Variants in TMEM94 observed in about 807,000 individuals in gnomAD.
TMEM94 encodes the protein transmembrane protein 94, also known as ER Mg2+ ATPase.
TMEM94 carries 81 observed loss-of-function variants against 158.6 expected under a neutral mutation model. That is an observed-to-expected ratio of 0.51 (90% CI 0.43 to 0.61). TMEM94 has a LOEUF of 0.61. Among genes scored for constraint, TMEM94 ranks in the 20% least tolerant of loss-of-function variants. The pLI is 0.00. For synonymous variants in TMEM94, 751 were observed against 730.7 expected (o/e 1.03, Z -0.45); for missense variants, 1,435 against 1,762.0 (o/e 0.81, Z 3.32).
At chr17:75,482,524 ATATGTATGTATGTATGTATG>A (rs57220539) in intron 2 of TMEM94, among the ~76,000 whole-genome samples, 24 of 145,210 alleles carry the variant, frequency 1.7e-4, no homozygotes, top group African/African-American at 4.8e-4. Context: ...AAATATATAT[ATATGTATGTATGTATGTATG>A]TATGTATGTA....
Position 75,485,993 on chromosome 17 carries a change from C to T in TMEM94, c.267C>T (p.Ala89=), listed in dbSNP as rs774394044. Residue 89 remains alanine, a synonymous_variant, in exon 4 of 32, where the codon GCC becomes GCT. Transcript: ENST00000314256. This position sits in a 1 kb window ranked among gnomAD's most constrained non-coding sequence, Gnocchi z 5.5. ...TGGGCTGCTGCGGGGGACAGCCAGC[C>T]GGGAGGTGTGCGCCCAGGGGCTGCT... ...LLLGCCGGQP[A]GSRGVGLVNA... is the part of the protein sequence containing the mutation. 40 of 1,606,170 alleles carry T rather than the reference C, an allele frequency of 2.5e-5. No homozygotes were observed. Among genetic ancestry groups the T allele is most frequent in the East Asian group, 4.5e-5 (2 of 44,722 alleles).
chr17:75,494,166 C>T (rs1271410513), intron 18 of TMEM94, among the ~76,000 whole-genome samples: 1 of 152,188 alleles, frequency 6.6e-6, no homozygotes, highest in Non-Finnish European at 1.5e-5. Flanking sequence ...AAGTGGGTTA[C>T]GTGTATCAGA....
intron 2 of TMEM94, among the ~76,000 whole-genome samples, chr17:75,484,428 T>C (rs1213096453): frequency 6.6e-6 from 1 of 151,924 alleles, no homozygotes; most frequent in Non-Finnish European, 1.5e-5. Context: ...AGACAGGGTC[T>C]CATTTTGTCA....
At chr17:75,479,307 A>G (rs957008212) in intron 2 of TMEM94, among the ~76,000 whole-genome samples, 1 of 151,614 alleles carries the variant, frequency 6.6e-6, no homozygotes, top group Admixed American at 6.6e-5. Context: ...ACAAAAAAAA[A>G]TTTATTTTTC....
rs2053018307 is a variant in TMEM94, at chr17:75,498,856, G to A, written c.3828-56G>A. On this transcript the variant is annotated intron_variant, in intron 30 of 31. Coordinates refer to ENST00000314256, the MANE Select transcript of TMEM94 (RefSeq NM_014738.6). The surrounding 1 kb of genome is among the most constrained non-coding windows in gnomAD (Gnocchi z 6.7). Reference sequence around the variant, plus strand: ...CCTGAGCTAACTGTTGTACTGGGAAGAGCAGGGAAGGAAGCAAGCAGTGTC... The same window carrying A: ...CCTGAGCTAACTGTTGTACTGGGAAAAGCAGGGAAGGAAGCAAGCAGTGTC... The A allele has an allele frequency of 6.6e-7, 1 of 1,524,462 alleles. No homozygotes were observed. Among genetic ancestry groups the A allele is most frequent in the Admixed American group, 2.0e-5 (1 of 49,200 alleles). 94.4% of individuals were successfully genotyped at this position (1,524,462 alleles called of 1,614,324 possible).
Position 75,490,317 on chromosome 17 carries a change from G to A in TMEM94, c.1038G>A (p.Leu346=), listed in dbSNP as rs746656024. 6.2e-7 allele frequency: 1 copy of A among 1,614,008 alleles called. No individual in the cohort carries two copies. ...LATACGEARV[L]AQMSKASPSS... ...CTGCCTGTGGAGAGGCCCGTGTCCT[G>A]GCCCAGATGAGCAAGGCCTCACCCA... is the stretch of plus-strand genomic sequence containing the variant. Residue 346 remains leucine (L), a synonymous_variant, in exon 10 of 32, where the codon CTG becomes CTA. Coordinates refer to ENST00000314256, the MANE Select transcript of TMEM94 (RefSeq NM_014738.6).
In TMEM94 at chr17:75,498,771, G is replaced by C; in HGVS notation, c.3827+49G>C. On this transcript the variant is annotated intron_variant, in intron 30 of 31. Coordinates refer to ENST00000314256, the MANE Select transcript of TMEM94 (RefSeq NM_014738.6). The surrounding 1 kb of genome is among the most constrained non-coding windows in gnomAD (Gnocchi z 6.7). ...CGGAGTGTGGGCTGGGGAGGAGAGG[G>C]CCTTCTGCAGGGCTAGGATCGGAGG... 1 of 1,532,706 alleles carries C rather than the reference G, an allele frequency of 6.5e-7. No individual in the cohort carries two copies. The highest frequency in any genetic ancestry group is 8.8e-7 in the Non-Finnish European group (1 of 1,138,552). 94.9% of individuals were successfully genotyped at this position (1,532,706 alleles called of 1,614,324 possible). A position where few individuals can be genotyped will look rare whatever the true frequency, so the allele number is the denominator to read the frequency against.
rs191972129 is a variant in TMEM94 at position 75,459,013 on chromosome 17, C to T, written c.-107+2262C>T. Reference sequence around the variant, plus strand: ...CAGAGCTTGCAGTGAGCCGAGATCGCGCCACTGCACTCCAGCCTGGGCGAC... The same window carrying T: ...CAGAGCTTGCAGTGAGCCGAGATCGTGCCACTGCACTCCAGCCTGGGCGAC... On this transcript the variant is annotated intron_variant, in intron 1 of 31. Coordinates refer to ENST00000314256, the MANE Select transcript of TMEM94 (RefSeq NM_014738.6). Among the ~76,000 whole-genome samples, 313 of 150,232 alleles carry T rather than the reference C, an allele frequency of 2.1e-3. 2 individuals carry two copies. Among genetic ancestry groups the T allele is most frequent in the Middle Eastern group, 0.014 (4 of 292 alleles).
chr17:75,464,016 C>T (rs1379380727), intron 1 of TMEM94, among the ~76,000 whole-genome samples: 2 of 152,200 alleles, frequency 1.3e-5, no homozygotes, highest in Admixed American at 1.3e-4. Context: ...CTTACAAGCA[C>T]AGCTAATGAA....
intron 27 of TMEM94, 32 bp downstream of exon 27, chr17:75,497,894 G>A (rs1485310124): frequency 1.9e-6 from 3 of 1,584,256 alleles, no homozygotes; most frequent in South Asian, 2.2e-5. Context: ...AGCCTTGCAA[G>A]TGAGCATGGA....
chr17:75,497,678 C>A, intron 26 of TMEM94, 103 bp from the exon 27 acceptor site: 1 of 866,996 alleles, frequency 1.2e-6, no homozygotes, highest in Non-Finnish European at 1.9e-6. Context: ...ATCCCCTCAC[C>A]AGACTCGACC....
Position 75,485,098 on chromosome 17 carries a change from G to T in TMEM94, c.25-330G>T, listed in dbSNP as rs886991657. Among the ~76,000 whole-genome samples the T allele has an allele frequency of 6.6e-6, 1 of 152,152 alleles. No homozygotes were observed. The highest frequency in any genetic ancestry group is 1.5e-5 in the Non-Finnish European group (1 of 68,028). On this transcript the variant is annotated intron_variant, in intron 2 of 31. Transcript: ENST00000314256. The surrounding 1 kb of genome is among the most constrained non-coding windows in gnomAD (Gnocchi z 5.5). ...CTGGCCCCCTTGCAATAAATTGGGA[G>T]ATCAGTGGTGAGCACAGCCTGGGTG...
chr17:75,492,696 G>A lies in TMEM94; in HGVS notation c.1819G>A (p.Asp607Asn). The change falls in exon 15 of 32, where the codon GAC (aspartate) becomes AAC (asparagine). Residue 607 changes from aspartate (D) to asparagine (N), a missense_variant. By Grantham distance (23) the Asp-to-Asn change is conservative (BLOSUM62 1). This residue lies in a region of TMEM94 where 1,051 missense variants were observed against 1,254.4 expected (regional missense o/e 0.84). Coordinates refer to ENST00000314256, the MANE Select transcript of TMEM94 (RefSeq NM_014738.6). The surrounding 1 kb of genome is among the most constrained non-coding windows in gnomAD (Gnocchi z 4.4). ...SVTERLCRFSDHLCNIALQES... is the reference protein window; with the variant it reads ...SVTERLCRFSNHLCNIALQES... Reference sequence around the variant, plus strand: ...CACCGAGCGCCTGTGCCGATTCTCCGACCACCTGTGCAACATCGCCCTGCA... The same window carrying A: ...CACCGAGCGCCTGTGCCGATTCTCCAACCACCTGTGCAACATCGCCCTGCA... 9.9e-6 allele frequency: 16 copies of A among 1,613,188 alleles called. No individual in the cohort carries two copies. Among genetic ancestry groups the A allele is most frequent in the Non-Finnish European group, 1.3e-5 (15 of 1,179,982 alleles).
At chr17:75,465,651 ATTT>A (rs34178189) in intron 1 of TMEM94, among the ~76,000 whole-genome samples, 32 of 119,854 alleles carry the variant, frequency 2.7e-4, no homozygotes, top group Non-Finnish European at 3.8e-4. Context: ...AGCTATAAGA[ATTT>A]TTATATATAT....
chr17:75,488,166 T>C lies in TMEM94; in HGVS notation c.612+32T>C, dbSNP rs779325230. On this transcript the variant is annotated intron_variant, in intron 6 of 31. Coordinates refer to ENST00000314256, the MANE Select transcript of TMEM94 (RefSeq NM_014738.6). ...TGAGGCTTTCCTTCTCCCTTGGAAA[T>C]GCGGTGGGAACATCCACAGGCAACG... is the stretch of plus-strand genomic sequence containing the variant. The C allele has an allele frequency of 1.9e-6, 3 of 1,607,424 alleles. No individual in the cohort carries two copies. In the African/African-American group the frequency reaches 4.0e-5, roughly 21 times the overall value.
intron 2 of TMEM94, among the ~76,000 whole-genome samples, chr17:75,473,038 T>C (rs900372390): frequency 6.6e-6 from 1 of 152,174 alleles, no homozygotes; most frequent in Non-Finnish European, 1.5e-5. Context: ...GCCTGGCATG[T>C]AGCAAGGGCT....
chr17:75,474,061 G>A (rs1482908609), intron 2 of TMEM94, among the ~76,000 whole-genome samples: 62 of 152,166 alleles, frequency 4.1e-4, no homozygotes, highest in Non-Finnish European at 4.4e-5. Flanking sequence ...GTTGCAGTGA[G>A]CAGATTGCAC....
At position 75,492,902 on chromosome 17, in the gene TMEM94, C is replaced by T. The variant is rs2052344175; in HGVS notation, c.1913-27C>T. On this transcript the variant is annotated intron_variant, in intron 15 of 31. Coordinates refer to ENST00000314256, the MANE Select transcript of TMEM94 (RefSeq NM_014738.6). This position sits in a 1 kb window ranked among gnomAD's most constrained non-coding sequence, Gnocchi z 4.4. The stretch of plus-strand genomic sequence containing the variant: ...TGGCAGGGTATTGCCAGGGCATGGC[C>T]CTAAGTTCCTGTTCCCCGCCCTGCA... 1.2e-6 allele frequency: 2 copies of T among 1,601,216 alleles called. No individual in the cohort carries two copies. The highest frequency in any genetic ancestry group is 4.5e-5 in the East Asian group (2 of 44,622).
At position 75,490,246 on chromosome 17, in the gene TMEM94, C is replaced by T; in HGVS notation, c.967C>T (p.Leu323=). The T allele has an allele frequency of 6.2e-7, 1 of 1,614,098 alleles. No homozygotes were observed. The highest frequency in any genetic ancestry group is 1.3e-5 in the African/African-American group (1 of 75,058). ...CGCTCCTTCCCAGGTGAATGGCGTC[C>T]TGCCCATCCTCCCCCTGCTCTTTCC... ...TLLQLQVNGV[L]PILPLLFPVL... The change falls in exon 10 of 32, where the codon CTG becomes TTG. Residue 323 remains leucine (L), a synonymous_variant. Coordinates refer to ENST00000314256, the MANE Select transcript of TMEM94 (RefSeq NM_014738.6).
Sources: allele counts gnomAD v4.1 joint callset (sites outside exome capture counted in the v4.1 genomes callset), GRCh38; gene constraint gnomAD v4.1.1; regional missense constraint gnomAD v4.1.1; non-coding constraint Gnocchi (gnomAD v3.1); transcripts MANE v1.5; gene names NCBI Gene and HGNC (gene_info 2026-07-23, HGNC 2026-07-21).